TRPC6: variants seen among roughly 807,000 people sequenced by gnomAD.
TRPC6 encodes transient receptor potential cation channel subfamily C member 6.
In TRPC6, 55 loss-of-function variants were observed where a neutral mutation model predicts 90.7. That is an observed-to-expected ratio of 0.61 (90% CI 0.49 to 0.76). The LOEUF is 0.76. Among genes scored for constraint, TRPC6 ranks in the 30% least tolerant of loss-of-function variants. The probability of loss-of-function intolerance (pLI) is 0.00; values close to 1 mark genes in which losing one functional copy is unlikely to be tolerated. For synonymous variants in TRPC6, 393 were observed against 393.0 expected (o/e 1.00, Z 0.00); for missense variants, 989 against 1,122.7 (o/e 0.88, Z 1.70).
chr11:101,508,252 T>C (rs551649336), intron 1 of TRPC6, among the ~76,000 whole-genome samples: 9 of 152,160 alleles, frequency 5.9e-5, no homozygotes, highest in Non-Finnish European at 7.3e-5. Flanking sequence ...TTTCCTCGTA[T>C]AGCTAGTGAT....
chr11:101,504,286 T>G lies in TRPC6; in HGVS notation c.683A>C (p.His228Pro). Residue 228 changes from histidine to proline, a missense_variant, in exon 2 of 13, where the codon CAC becomes CCC. His to Pro is a moderately conservative substitution (Grantham distance 77). This residue lies in a region of TRPC6 where 486 missense variants were observed against 591.9 expected (regional missense o/e 0.82). Coordinates refer to ENST00000344327, the MANE Select transcript of TRPC6 (RefSeq NM_004621.6). ...HDVTPIILAAHCQEYEIVHTL... is the reference protein window; with the variant it reads ...HDVTPIILAAPCQEYEIVHTL... ...ATGCACAATTTCATATTCCTGGCAG[T>G]GGGCAGCCAGAATGATTGGAGTCAC... 1 of 1,613,016 alleles carries G rather than the reference T, an allele frequency of 6.2e-7. No homozygotes were observed. The highest frequency in any genetic ancestry group is 8.5e-7 in the Non-Finnish European group (1 of 1,179,052).
At chr11:101,496,064 C>T (rs1021131664) in intron 2 of TRPC6, among the ~76,000 whole-genome samples, 2 of 149,156 alleles carry the variant, frequency 1.3e-5, no homozygotes, top group African/African-American at 5.0e-5. Context: ...CAAGCACCTT[C>T]TCCATGTGGC....
chr11:101,537,355 G>A (rs1206659773), intron 1 of TRPC6, among the ~76,000 whole-genome samples: 1 of 151,878 alleles, frequency 6.6e-6, no homozygotes, highest in East Asian at 1.9e-4. Context: ...TAATGCTACT[G>A]TTGCCTATGC....
At chr11:101,526,471 CTGAG>C (rs1860781840) in intron 1 of TRPC6, among the ~76,000 whole-genome samples, 1 of 152,162 alleles carries the variant, frequency 6.6e-6, no homozygotes, top group South Asian at 2.1e-4. Context: ...TGTTTTCTTA[CTGAG>C]TGAATCTTTT....
At chr11:101,470,622 A>G (rs924601571) in intron 9 of TRPC6, among the ~76,000 whole-genome samples, 1 of 152,124 alleles carries the variant, frequency 6.6e-6, no homozygotes, top group Non-Finnish European at 1.5e-5. Context: ...TCATCTAAGC[A>G]CTAAATCTTT....
intron 1 of TRPC6, among the ~76,000 whole-genome samples, chr11:101,578,464 T>C (rs1033196364): frequency 1.3e-5 from 2 of 152,350 alleles, no homozygotes; most frequent in African/African-American, 4.8e-5. Flanking sequence ...GGGATTTTAC[T>C]TGTGGTCTCT....
rs200307747 is a variant in TRPC6 at position 101,452,287 on chromosome 11, C to G, written c.*668G>C. 1 of 144,020 alleles carries G rather than the reference C, an allele frequency of 6.9e-6. No individual in the cohort carries two copies. Among genetic ancestry groups the G allele is most frequent in the Admixed American group, 6.7e-5 (1 of 14,948 alleles). The allele number at this position is 144,020 out of a possible 1,614,324, so 8.9% of individuals were successfully genotyped here. On this transcript the variant is annotated 3_prime_UTR_variant, in exon 13 of 13. Transcript: ENST00000344327. ...GTCTGTGTGTACACATTTACACACA[C>G]GCACACACACAAAACTGGACCATGT...
chr11:101,513,307 C>A (rs1029708742), intron 1 of TRPC6, among the ~76,000 whole-genome samples: 2 of 152,210 alleles, frequency 1.3e-5, no homozygotes, highest in African/African-American at 4.8e-5. Context: ...TGCTATTCCA[C>A]AGTCAGTGAA....
chr11:101,464,159 C>G (rs1000264170), intron 10 of TRPC6, among the ~76,000 whole-genome samples: 2 of 152,052 alleles, frequency 1.3e-5, no homozygotes, highest in Non-Finnish European at 2.9e-5. Flanking sequence ...TCTGAGAGAC[C>G]ATTTTTTATG....
At chr11:101,547,279 C>T (rs934753651) in intron 1 of TRPC6, among the ~76,000 whole-genome samples, 1 of 151,742 alleles carries the variant, frequency 6.6e-6, no homozygotes, top group African/African-American at 2.4e-5. Context: ...AATTAATGTT[C>T]CTTTTCTTTC....
chr11:101,556,320 C>T (rs1228092406), intron 1 of TRPC6, among the ~76,000 whole-genome samples: 2 of 142,040 alleles, frequency 1.4e-5, no homozygotes, highest in African/African-American at 2.7e-5. Context: ...TTTAGTTGGG[C>T]TCACTAAGAA....
At chr11:101,465,848 A>G (rs1445012147) in intron 10 of TRPC6, among the ~76,000 whole-genome samples, 1 of 152,090 alleles carries the variant, frequency 6.6e-6, no homozygotes, top group African/African-American at 2.4e-5. Context: ...GGGAGTTGTG[A>G]TCCTTTGGAG....
chr11:101,547,851 C>G (rs1273990867), intron 1 of TRPC6, among the ~76,000 whole-genome samples: 1 of 152,118 alleles, frequency 6.6e-6, no homozygotes. Flanking sequence ...TCTCCTCCTA[C>G]TCATTAATTC....
chr11:101,536,009 G>C (rs1368104229), intron 1 of TRPC6, among the ~76,000 whole-genome samples: 1 of 152,166 alleles, frequency 6.6e-6, no homozygotes, highest in Non-Finnish European at 1.5e-5. Context: ...CTATGTGCTA[G>C]GAAATGGGGA....
chr11:101,509,905 A>G (rs1860360204), intron 1 of TRPC6, among the ~76,000 whole-genome samples: 2 of 152,144 alleles, frequency 1.3e-5, no homozygotes, highest in African/African-American at 4.8e-5. Flanking sequence ...TGTATCTGAA[A>G]AGTCAGAATG....
chr11:101,539,441 A>G (rs1249525300), intron 1 of TRPC6, among the ~76,000 whole-genome samples: 1 of 152,170 alleles, frequency 6.6e-6, no homozygotes, highest in Admixed American at 6.5e-5. Context: ...CGCCACACTG[A>G]GCTTTCCTCT....
chr11:101,457,457 C>A (rs1468301644), intron 10 of TRPC6, among the ~76,000 whole-genome samples: 2 of 152,084 alleles, frequency 1.3e-5, no homozygotes, highest in Admixed American at 1.3e-4. Flanking sequence ...AATTTTAAGT[C>A]TTTAAAGTTT....
chr11:101,455,153 A>ATAAAG (rs751462912), intron 10 of TRPC6, 52 bp from the exon 11 acceptor site: 1 of 1,442,602 alleles, frequency 6.9e-7, no homozygotes, highest in East Asian at 2.3e-5. Flanking sequence ...TTTCTTTTAA[A>ATAAAG]TAAAGTAGTG....
intron 4 of TRPC6, among the ~76,000 whole-genome samples, chr11:101,488,470 A>G (rs1413809415): frequency 2.0e-5 from 3 of 152,230 alleles, no homozygotes; most frequent in African/African-American, 7.2e-5. Flanking sequence ...ATCTGGTCAT[A>G]TTAGCTAAAA....
Sources: gnomAD v4.1 joint callset for allele counts (sites outside exome capture counted in the v4.1 genomes callset) on GRCh38, gnomAD v4.1.1 for gene constraint, gnomAD v4.1.1 regional missense constraint, MANE v1.5 for transcripts, NCBI Gene and HGNC (gene_info 2026-07-23, HGNC 2026-07-21) for gene names.